LIPK: variants seen among roughly 807,000 people sequenced by gnomAD.
LIPK encodes the protein lipase family member K.
Under a neutral mutation model 48.6 loss-of-function variants are expected in LIPK, and 32 were observed. The observed-to-expected ratio is 0.66, with a 90% CI of 0.50 to 0.88. LIPK has a LOEUF of 0.88. Ranked by LOEUF, LIPK falls within the 40% of genes least tolerant of loss-of-function variation. The pLI, the probability that LIPK is intolerant of heterozygous loss-of-function variation, is 0.00. For synonymous variants in LIPK, 164 were observed against 157.4 expected (o/e 1.04, Z -0.32); for missense variants, 507 against 478.5 (o/e 1.06, Z -0.56).
intron 6 of LIPK, among the ~76,000 whole-genome samples, chr10:88,735,456 G>A (rs1225932544): frequency 6.6e-6 from 1 of 152,220 alleles, no homozygotes; most frequent in Non-Finnish European, 1.5e-5. Flanking sequence ...ACGGCAGAGC[G>A]AGAATTTGAA....
intron 3 of LIPK, chr10:88,728,617 T>G (rs953635690): frequency 4.1e-6 from 2 of 485,436 alleles, no homozygotes; most frequent in South Asian, 3.1e-5. Flanking sequence ...AAGCTGGCCT[T>G]GGGCATCGAG....
chr10:88,719,945 T>G (rs1842190799), intron 1 of LIPK, among the ~76,000 whole-genome samples: 1 of 152,222 alleles, frequency 6.6e-6, no homozygotes, highest in African/African-American at 2.4e-5. Context: ...CTACATATAA[T>G]CCACATGCAT....
At chr10:88,710,606 C>T (rs1242270802) in intron 1 of LIPK, among the ~76,000 whole-genome samples, 1 of 152,090 alleles carries the variant, frequency 6.6e-6, no homozygotes. Flanking sequence ...AGTATGCACT[C>T]CTTTGCGCTT....
rs1212452912 is a variant in LIPK at position 88,732,181 on chromosome 10, G to T, written c.426G>T (p.Leu142Phe). The T allele has an allele frequency of 9.4e-6, 15 of 1,604,050 alleles. No individual in the cohort carries two copies. The highest frequency in any genetic ancestry group is 4.0e-5 in the African/African-American group (3 of 74,426). ...TGTTATTCCTTCTTTTTGATAGTTT[G>T]GATGAGATGGCTAAATATGACCTTC... ...PKSPEYWAFS[L>F]DEMAKYDLPA... The change falls in exon 5 of 10, where the codon TTG (leucine) becomes TTT (phenylalanine). Residue 142 changes from leucine to phenylalanine, a missense_variant. By Grantham distance (22) the Leu-to-Phe change is conservative. Coordinates refer to ENST00000404190, the MANE Select transcript of LIPK (RefSeq NM_001080518.2).
intron 5 of LIPK, 46 bp downstream of exon 5, chr10:88,732,333 T>C: frequency 1.3e-6 from 2 of 1,594,444 alleles, no homozygotes; most frequent in Non-Finnish European, 1.7e-6. Context: ...GGGCTCTTCT[T>C]CCATATGGCT....
intron 4 of LIPK, among the ~76,000 whole-genome samples, 177 bp from the exon 5 acceptor site, chr10:88,732,001 T>C (rs781113884): frequency 6.6e-6 from 1 of 152,262 alleles, no homozygotes; most frequent in Non-Finnish European, 1.5e-5. Context: ...CTTAAAAATG[T>C]TGACTTGCAA....
At chr10:88,735,052 G>A (rs1304820545) in intron 6 of LIPK, among the ~76,000 whole-genome samples, 9 of 152,162 alleles carry the variant, frequency 5.9e-5, no homozygotes, top group Admixed American at 3.3e-4. Flanking sequence ...CTCAGTTCAT[G>A]AGAGTTGAAC....
Position 88,745,317 on chromosome 10 carries a change from A to G in LIPK, c.960+1996A>G, listed in dbSNP as rs771106362. The stretch of plus-strand genomic sequence containing the variant: ...ATAGTATATAAGACAACCATCCCCA[A>G]GACACATAGTCATCAGATTCTCCAA... On this transcript the variant is annotated intron_variant, in intron 9 of 9. Coordinates refer to ENST00000404190, the MANE Select transcript of LIPK (RefSeq NM_001080518.2). Among the ~76,000 whole-genome samples, 11 of 152,198 alleles carry G rather than the reference A, an allele frequency of 7.2e-5. 1 individual carries two copies. Among genetic ancestry groups the G allele is most frequent in the South Asian group, 2.1e-4 (1 of 4,826 alleles).
At position 88,732,521 on chromosome 10, in the gene LIPK, A is replaced by T. The variant is rs1842489216; in HGVS notation, c.639A>T (p.Lys213Asn). The T allele has an allele frequency of 6.2e-7, 1 of 1,611,862 alleles. No homozygotes were observed. Among genetic ancestry groups the T allele is most frequent in the African/African-American group, 1.3e-5 (1 of 74,912 alleles). The change falls in exon 6 of 10, where the codon AAA (lysine) becomes AAT (asparagine). Residue 213 changes from lysine to asparagine, a missense_variant. Physicochemically the swap from Lys to Asn is moderately conservative, Grantham distance 94. Coordinates refer to ENST00000404190, the MANE Select transcript of LIPK (RefSeq NM_001080518.2). ...TVKYTQSPMKKLTTLSRRVVK... is the reference protein window; with the variant it reads ...TVKYTQSPMKNLTTLSRRVVK... ...AATACACCCAAAGTCCTATGAAAAA[A>T]CTAACAACCCTTTCCAGGCGAGTAG...
chr10:88,733,267 TAACTA>T (rs1842505157), intron 6 of LIPK, among the ~76,000 whole-genome samples: 1 of 152,216 alleles, frequency 6.6e-6, no homozygotes, highest in Non-Finnish European at 1.5e-5. Context: ...AGTTGACAGC[TAACTA>T]ATCTGATCAT....
chr10:88,735,673 G>A (rs1439265609), intron 6 of LIPK, among the ~76,000 whole-genome samples: 1 of 152,216 alleles, frequency 6.6e-6, no homozygotes, highest in East Asian at 1.9e-4. Context: ...AAAGAGGGGT[G>A]CCTTTTCTAA....
intron 7 of LIPK, among the ~76,000 whole-genome samples, chr10:88,739,679 C>T (rs997344947): frequency 3.9e-5 from 6 of 151,920 alleles, no homozygotes; most frequent in Non-Finnish European, 8.8e-5. Flanking sequence ...CACAGTGAAA[C>T]CCTGTCTCTA....
At chr10:88,743,444 C>T (rs1842716256) in intron 9 of LIPK, 123 bp downstream of exon 9, 1 of 649,476 alleles carries the variant, frequency 1.5e-6, no homozygotes, top group East Asian at 2.8e-5. Context: ...GCTGTTCTCA[C>T]AGGCTGCTTA....
rs1342561995 is a variant in LIPK, at chr10:88,726,903, G to C, written c.214G>C (p.Gly72Arg). 1 of 1,555,442 alleles carries C rather than the reference G, an allele frequency of 6.4e-7. No individual in the cohort carries two copies. The highest frequency in any genetic ancestry group is 8.8e-7 in the Non-Finnish European group (1 of 1,131,476). ...YRIPHGRGCPGRTAPKPAVYL... is the reference protein window; with the variant it reads ...YRIPHGRGCPRRTAPKPAVYL... ...GATTCCACATGGAAGAGGATGCCCA[G>C]GGAGGACAGGTATTATTTATTTTGT... The change falls in exon 3 of 10, where the codon GGG becomes CGG. Residue 72 changes from glycine to arginine, a missense_variant. Gly to Arg is a moderately radical substitution (Grantham distance 125). Coordinates refer to ENST00000404190, the MANE Select transcript of LIPK (RefSeq NM_001080518.2).
In LIPK at chr10:88,737,699, T is replaced by A; in HGVS notation, c.734T>A (p.Val245Glu). 6.2e-7 allele frequency: 1 copy of A among 1,613,840 alleles called. No individual in the cohort carries two copies. Among genetic ancestry groups the A allele is most frequent in the African/African-American group, 1.3e-5 (1 of 75,062 alleles). Residue 245 changes from valine to glutamate, a missense_variant, in exon 7 of 10, where the codon GTG becomes GAG. Transcript: ENST00000404190. Reference sequence around the variant, plus strand: ...TTTGACCAATTCATTGCCACCAAAGTGTGCAATCGAAAGCTATTCCGTCGT... The same window carrying A: ...TTTGACCAATTCATTGCCACCAAAGAGTGCAATCGAAAGCTATTCCGTCGT... ...TLFDQFIATK[V>E]CNRKLFRRIC...
intron 1 of LIPK, among the ~76,000 whole-genome samples, chr10:88,713,134 G>A (rs974216220): frequency 6.6e-6 from 1 of 152,098 alleles, no homozygotes; most frequent in East Asian, 1.9e-4. Context: ...TACAAATATC[G>A]CTATAGCAAT....
intron 3 of LIPK, among the ~76,000 whole-genome samples, chr10:88,730,020 T>C (rs942598402): frequency 1.3e-5 from 2 of 152,238 alleles, no homozygotes; most frequent in African/African-American, 4.8e-5. Context: ...TTTTGTATCA[T>C]ATTAACAATT....
chr10:88,731,504 G>T lies in LIPK; in HGVS notation c.422+323G>T, dbSNP rs1842467089. Among the ~76,000 whole-genome samples, 3 of 152,326 alleles carry T rather than the reference G, an allele frequency of 2.0e-5. No homozygotes were observed. In the South Asian group the frequency reaches 6.2e-4, roughly 32 times the overall value. The stretch of plus-strand genomic sequence containing the variant: ...GTGCTGCCAGCAGCAGCGCCTGAGG[G>T]TGCTGTCTACTTCAGAAGCCACGCC... On this transcript the variant is annotated intron_variant, in intron 4 of 9. Transcript: ENST00000404190.
Position 88,752,739 on chromosome 10 carries a change from G to T in LIPK, c.1183G>T (p.Glu395Ter). 6.5e-7 allele frequency: 1 copy of T among 1,549,082 alleles called. No homozygotes were observed. Among genetic ancestry groups the T allele is most frequent in the Non-Finnish European group, 8.8e-7 (1 of 1,141,682 alleles). Residue 395 changes from glutamate to a stop codon, truncating the protein, a stop_gained, in exon 10 of 10, where the codon GAA (glutamate) becomes TAA (stop). Transcript: ENST00000404190. LOFTEE classifies it high-confidence loss of function. ...IYQDLIILME[E>*]YLQN ...CCAAGACCTAATTATATTGATGGAAGAATATTTACAAAATTAAATGCACTT... is the reference window on the plus strand; with the variant it reads ...CCAAGACCTAATTATATTGATGGAATAATATTTACAAAATTAAATGCACTT...
Sources: allele counts gnomAD v4.1 joint callset (sites outside exome capture counted in the v4.1 genomes callset), GRCh38; gene constraint gnomAD v4.1.1; transcripts MANE v1.5; gene names NCBI Gene and HGNC (gene_info 2026-07-23, HGNC 2026-07-21).